RMC1: variants seen among roughly 807,000 people sequenced by gnomAD.
RMC1 encodes the protein regulator of MON1-CCZ1, also known as regulator of MON1-CCZ1 complex.
A neutral mutation model predicts 95.5 loss-of-function variants in RMC1; 44 were observed. The observed-to-expected ratio is 0.46, with a 90% CI of 0.36 to 0.59. The LOEUF is 0.59. Ranked by LOEUF, RMC1 falls within the 20% of genes least tolerant of loss-of-function variation. The probability of loss-of-function intolerance (pLI) is 0.00; values close to 1 mark genes in which losing one functional copy is unlikely to be tolerated. For synonymous variants in RMC1, 320 were observed against 303.6 expected (o/e 1.05, Z -0.56); for missense variants, 705 against 819.6 (o/e 0.86, Z 1.71).
intron 10 of RMC1, among the ~76,000 whole-genome samples, chr18:23,521,887 C>T (rs938727310): frequency 3.3e-5 from 5 of 152,278 alleles, no homozygotes; most frequent in Non-Finnish European, 5.9e-5. Context: ...CAGTCTCTCC[C>T]GGCTCTCTTT....
At chr18:23,523,097 G>A (rs917433558) in intron 10 of RMC1, among the ~76,000 whole-genome samples, 4 of 152,328 alleles carry the variant, frequency 2.6e-5, no homozygotes, top group Admixed American at 1.3e-4. Flanking sequence ...TGCACTCGGC[G>A]CAGACCTTGA....
chr18:23,516,954 G>C (rs1210155118), intron 7 of RMC1, among the ~76,000 whole-genome samples: 1 of 151,864 alleles, frequency 6.6e-6, no homozygotes, highest in Non-Finnish European at 1.5e-5. Flanking sequence ...TCGAACTCCT[G>C]ACCTCAAGTG....
chr18:23,531,278 C>T lies in RMC1; in HGVS notation c.1895-347C>T, dbSNP rs199805821. On this transcript the variant is annotated intron_variant, in intron 19 of 19. Coordinates refer to ENST00000269221, the MANE Select transcript of RMC1 (RefSeq NM_013326.5). ...TGCTGGGATTACAGGTTTGAGCCAC[C>T]GCACCTGGCCCTGGTTGATCATTCT... 3.9e-5 allele frequency among the ~76,000 whole-genome samples: 6 copies of T among 152,170 alleles called. No individual in the cohort carries two copies. In the East Asian group the frequency reaches 5.8e-4, roughly 15 times the overall value.
intron 5 of RMC1, among the ~76,000 whole-genome samples, chr18:23,510,684 T>C (rs1424518574): frequency 1.3e-5 from 2 of 150,966 alleles, no homozygotes; most frequent in Non-Finnish European, 2.9e-5. Context: ...GAGCAGACAC[T>C]TTTTAAAAGA....
intron 3 of RMC1, 69 bp downstream of exon 3, chr18:23,507,123 A>G (rs1176301064): frequency 1.8e-6 from 2 of 1,106,834 alleles, no homozygotes; most frequent in Admixed American, 2.4e-5. Flanking sequence ...AGGAATCGCA[A>G]ATTTTCAGTG....
chr18:23,527,131 C>T (rs1598906607), intron 13 of RMC1, among the ~76,000 whole-genome samples: 1 of 151,166 alleles, frequency 6.6e-6, no homozygotes, highest in East Asian at 1.9e-4. Flanking sequence ...TGCTTATAAT[C>T]CCAGCACTCT....
At chr18:23,519,002 C>CCT (rs776122477) in intron 8 of RMC1, 23 bp downstream of exon 8, 1 of 1,613,242 alleles carries the variant, frequency 6.2e-7, no homozygotes, top group Admixed American at 1.7e-5. Context: ...CTTTGTTTTC[C>CCT]CTCTCTCTCT....
intron 1 of RMC1, 56 bp from the exon 2 acceptor site, chr18:23,504,315 T>C (rs1315075716): frequency 6.6e-6 from 10 of 1,507,262 alleles, no homozygotes; most frequent in African/African-American, 1.4e-5. Flanking sequence ...GGTTGGCTTC[T>C]GAGTTTAGAT....
At chr18:23,518,037 T>G (rs2058055561) in intron 7 of RMC1, among the ~76,000 whole-genome samples, 1 of 152,142 alleles carries the variant, frequency 6.6e-6, no homozygotes, top group Non-Finnish European at 1.5e-5. Flanking sequence ...GTTTAGACAA[T>G]AGATAAAGTG....
intron 12 of RMC1, among the ~76,000 whole-genome samples, chr18:23,526,196 T>C (rs1358950416): frequency 6.6e-6 from 1 of 152,254 alleles, no homozygotes; most frequent in Non-Finnish European, 1.5e-5. Context: ...TGATGTTCCA[T>C]TGAGAGCCTC....
intron 5 of RMC1, among the ~76,000 whole-genome samples, chr18:23,512,016 CTTTTTTT>C (rs34759918): frequency 3.9e-5 from 5 of 127,224 alleles, no homozygotes; most frequent in Admixed American, 1.6e-4. Context: ...GGTAGAAAGA[CTTTTTTT>C]TTTTTTTTTT....
chr18:23,511,611 T>G (rs1241225762), intron 5 of RMC1, among the ~76,000 whole-genome samples: 1 of 152,104 alleles, frequency 6.6e-6, no homozygotes, highest in Non-Finnish European at 1.5e-5. Context: ...AAACTTCTTT[T>G]TAACAAAAAG....
At chr18:23,529,901 C>A in intron 16 of RMC1, 127 bp from the exon 17 acceptor site, 1 of 1,086,632 alleles carries the variant, frequency 9.2e-7, no homozygotes, top group Non-Finnish European at 1.4e-6. Context: ...ACCTGCATGA[C>A]GAAACCACTT....
chr18:23,530,036 A>G lies in RMC1; in HGVS notation c.1503A>G (p.Leu501=). The change falls in exon 17 of 20, where the codon CTA becomes CTG. Residue 501 remains leucine (L), a synonymous_variant. Transcript: ENST00000269221. ...TTTACTTTTGTCCTCAGCATTACCT[A>G]CATGAACTTGTTATCAAAACCCTTG... ...NQFQIAVQHY[L]HELVIKTLVQ... The G allele has an allele frequency of 6.2e-7, 1 of 1,613,640 alleles. No individual in the cohort carries two copies. The highest frequency in any genetic ancestry group is 8.5e-7 in the Non-Finnish European group (1 of 1,179,540).
Position 23,524,163 on chromosome 18 carries a change from C to T in RMC1, c.995C>T (p.Pro332Leu). 6.2e-7 allele frequency: 1 copy of T among 1,613,932 alleles called. No homozygotes were observed. Among genetic ancestry groups the T allele is most frequent in the Non-Finnish European group, 8.5e-7 (1 of 1,180,042 alleles). Residue 332 changes from proline (P) to leucine (L), a missense_variant, in exon 11 of 20, where the codon CCA (proline) becomes CTA (leucine). Pro to Leu is a moderately conservative substitution (Grantham distance 98). Coordinates refer to ENST00000269221, the MANE Select transcript of RMC1 (RefSeq NM_013326.5). ...PAAVTSQSPV[P>L]CKLYSSSWIV... ...GCCGTGACCAGCCAGTCTCCTGTTCCATGTAAACTCTGTATCCTTTACTAA... is the reference window on the plus strand; with the variant it reads ...GCCGTGACCAGCCAGTCTCCTGTTCTATGTAAACTCTGTATCCTTTACTAA...
chr18:23,514,713 G>A (rs1021985043), intron 5 of RMC1, among the ~76,000 whole-genome samples: 8 of 152,208 alleles, frequency 5.3e-5, no homozygotes, highest in Admixed American at 3.9e-4. Context: ...TTAAAAGTCT[G>A]TCTTTCTGTT....
intron 15 of RMC1, 56 bp from the exon 16 acceptor site, chr18:23,529,579 T>G: frequency 6.8e-7 from 1 of 1,468,928 alleles, no homozygotes; most frequent in Non-Finnish European, 9.5e-7. Context: ...GAGAGTTATA[T>G]GCAGCCTCTT....
intron 19 of RMC1, 125 bp from the exon 20 acceptor site, chr18:23,531,473 CAAAGCAGATAGGGTAACCCCAAAACTT>C: frequency 7.0e-7 from 1 of 1,419,098 alleles, no homozygotes; most frequent in East Asian, 2.5e-5. Context: ...ATTTGTCTCT[CAAAGCAGATAGGGTAACCCCAAAACTT>C]AGGAAAACAA....
At chr18:23,504,485 A>T in intron 2 of RMC1, 38 bp downstream of exon 2, 1 of 1,514,016 alleles carries the variant, frequency 6.6e-7, no homozygotes, top group Non-Finnish European at 9.2e-7. Flanking sequence ...TTTGTCATGT[A>T]AACAGAATGA....
Sources: allele counts gnomAD v4.1 joint callset (sites outside exome capture counted in the v4.1 genomes callset), GRCh38; gene constraint gnomAD v4.1.1; transcripts MANE v1.5; gene names NCBI Gene and HGNC (gene_info 2026-07-23, HGNC 2026-07-21).